The following TTC36 variants were observed in gnomAD, a reference collection of about 807,000 sequenced individuals.
TTC36 encodes tetratricopeptide repeat protein 36.
In TTC36, 15 loss-of-function variants were observed where a neutral mutation model predicts 17.5. The ratio of observed to expected loss-of-function variants is 0.86; its 90% CI spans 0.57 to 1.32. The LOEUF is 1.32. Ranked by LOEUF, TTC36 falls within the 40% of genes most tolerant of loss-of-function variation. The probability of loss-of-function intolerance (pLI) is 0.00; values close to 1 mark genes in which losing one functional copy is unlikely to be tolerated. For missense variants in TTC36, 292 were observed against 260.9 expected, an observed-to-expected ratio of 1.12 and a Z score of -0.82; for synonymous variants, 112 against 109.8, an observed-to-expected ratio of 1.02 and a Z score of -0.13.
chr11:118,530,504 C>A lies in TTC36; in HGVS notation c.308-150C>A. 2 of 853,690 alleles carry A rather than the reference C, an allele frequency of 2.3e-6. No homozygotes were observed. The highest frequency in any genetic ancestry group is 3.3e-6 in the Non-Finnish European group (2 of 614,270). The allele number at this position is 853,690 out of a possible 1,614,324, so 52.9% of individuals were successfully genotyped here. ...GTGTAATGGGAATAACGATCCGTACCTCTAGCAGGTGCGAGGCGGGTTGTA... is the reference window on the plus strand; with the variant it reads ...GTGTAATGGGAATAACGATCCGTACATCTAGCAGGTGCGAGGCGGGTTGTA... On this transcript the variant is annotated intron_variant, in intron 2 of 2. Coordinates refer to ENST00000302783, the MANE Select transcript of TTC36 (RefSeq NM_001080441.4). The surrounding 1 kb of genome is among the most constrained non-coding windows in gnomAD (Gnocchi z 5.8).
In TTC36 at chr11:118,530,345, G is replaced by C. The variant is rs562709849; in HGVS notation, c.308-309G>C. Among the ~76,000 whole-genome samples, 18 of 152,354 alleles carry C rather than the reference G, an allele frequency of 1.2e-4. No homozygotes were observed. Among genetic ancestry groups the C allele is most frequent in the African/African-American group, 4.3e-4 (18 of 41,578 alleles). ...GACTCATAAACATAGTGGCCATTCAGAATCCTGCAACGTTCATGTTTTCGT... is the reference window on the plus strand; with the variant it reads ...GACTCATAAACATAGTGGCCATTCACAATCCTGCAACGTTCATGTTTTCGT... On this transcript the variant is annotated intron_variant, in intron 2 of 2. Coordinates refer to ENST00000302783, the MANE Select transcript of TTC36 (RefSeq NM_001080441.4). The surrounding 1 kb of genome is among the most constrained non-coding windows in gnomAD (Gnocchi z 5.8).
At position 118,527,937 on chromosome 11, in the gene TTC36, G is replaced by A. The variant is rs562173449; in HGVS notation, c.118+325G>A. ...GTCATAACAGAGAATACCACCACCA[G>A]AACAGAAGACTGAAATAAGGCAGGG... On this transcript the variant is annotated intron_variant, in intron 1 of 2. Coordinates refer to ENST00000302783, the MANE Select transcript of TTC36 (RefSeq NM_001080441.4). 5.9e-5 allele frequency: 28 copies of A among 477,554 alleles called. 1 individual carries two copies. The highest frequency in any genetic ancestry group is 4.3e-4 in the South Asian group (28 of 64,770). 29.6% of individuals were successfully genotyped at this position (477,554 alleles called of 1,614,324 possible). A position where few individuals can be genotyped will look rare whatever the true frequency, so the allele number is the denominator to read the frequency against.
chr11:118,528,043 C>A, intron 1 of TTC36: 1 of 455,302 alleles, frequency 2.2e-6, no homozygotes, highest in Admixed American at 2.4e-5. Flanking sequence ...AAGCTCCAAA[C>A]TAACTCTTCC....
At position 118,528,718 on chromosome 11, in the gene TTC36, C is replaced by G. The variant is rs7111428; in HGVS notation, c.234C>G (p.Ile78Met). 2.5e-6 allele frequency: 4 copies of G among 1,613,348 alleles called. No individual in the cohort carries two copies. In the African/African-American group the frequency reaches 4.0e-5, roughly 16 times the overall value. The change falls in exon 2 of 3, where the codon ATC (isoleucine) becomes ATG (methionine). Residue 78 changes from isoleucine (I) to methionine (M), a missense_variant. Physicochemically the swap from Ile to Met is conservative, Grantham distance 10. Coordinates refer to ENST00000302783, the MANE Select transcript of TTC36 (RefSeq NM_001080441.4). ...CCCTGGAGAGGTTTGGCCAAGCCAT[C>G]TGCCTGCTGCCTGAGAGGGCTTCAG... ...STALERFGQAICLLPERASAY... is the reference protein window; with the variant it reads ...STALERFGQAMCLLPERASAY...
In TTC36 at chr11:118,530,933, C is replaced by A; in HGVS notation, c.*17C>A. On this transcript the variant is annotated 3_prime_UTR_variant, in exon 3 of 3. Coordinates refer to ENST00000302783, the MANE Select transcript of TTC36 (RefSeq NM_001080441.4). The surrounding 1 kb of genome is among the most constrained non-coding windows in gnomAD (Gnocchi z 5.8). The stretch of plus-strand genomic sequence containing the variant: ...AGCCGCTGAGCGCCGCGGACCCGGG[C>A]GTCCGCGGGCGAGGGGACGGGACTG... 6.7e-7 allele frequency: 1 copy of A among 1,481,570 alleles called. No individual in the cohort carries two copies. Among genetic ancestry groups the A allele is most frequent in the Non-Finnish European group, 8.9e-7 (1 of 1,125,748 alleles). The allele number at this position is 1,481,570 out of a possible 1,614,324, so 91.8% of individuals were successfully genotyped here. A position where few individuals can be genotyped will look rare whatever the true frequency, so the allele number is the denominator to read the frequency against.
chr11:118,530,687 T>A lies in TTC36; in HGVS notation c.341T>A (p.Leu114Gln). Residue 114 changes from leucine (L) to glutamine (Q), a missense_variant, in exon 3 of 3, where the codon CTG becomes CAG. Physicochemically the swap from Leu to Gln is moderately radical, Grantham distance 113. Transcript: ENST00000302783. This position sits in a 1 kb window ranked among gnomAD's most constrained non-coding sequence, Gnocchi z 5.8. The part of the protein sequence containing the change: ...ALEDLERAVE[L>Q]SGGRGRAARQ... ...GAGGATCTGGAACGCGCGGTGGAGCTGAGCGGCGGCCGGGGCCGCGCCGCC... is the reference window on the plus strand; with the variant it reads ...GAGGATCTGGAACGCGCGGTGGAGCAGAGCGGCGGCCGGGGCCGCGCCGCC... 1.4e-6 allele frequency: 2 copies of A among 1,475,614 alleles called. No homozygotes were observed. Among genetic ancestry groups the A allele is most frequent in the East Asian group, 5.9e-5 (2 of 33,996 alleles). 91.4% of individuals were successfully genotyped at this position (1,475,614 alleles called of 1,614,324 possible). A position where few individuals can be genotyped will look rare whatever the true frequency, so the allele number is the denominator to read the frequency against.
rs113835012 is a variant in TTC36, at chr11:118,529,818, G to A, written c.308-836G>A. Among the ~76,000 whole-genome samples the A allele has an allele frequency of 7.6e-3, 1,154 of 152,332 alleles. 10 individuals carry two copies. The highest frequency in any genetic ancestry group is 0.026 in the African/African-American group (1,093 of 41,574). The stretch of plus-strand genomic sequence containing the variant: ...GACCAGCTCCTCCGAGGGAAACCAA[G>A]GAGTACTGCATTCTGAGCGCTTCTC... On this transcript the variant is annotated intron_variant, in intron 2 of 2. Transcript: ENST00000302783.
In TTC36 at chr11:118,528,598, C is replaced by G; in HGVS notation, c.119-5C>G. 1 of 1,555,828 alleles carries G rather than the reference C, an allele frequency of 6.4e-7. No homozygotes were observed. Among genetic ancestry groups the G allele is most frequent in the South Asian group, 1.2e-5 (1 of 81,906 alleles). On this transcript the variant is annotated splice_polypyrimidine_tract_variant and splice_region_variant and intron_variant, in intron 1 of 2. Transcript: ENST00000302783. ...TGGCTTCTCCTGGCTCCTTCCCTGG[C>G]CCAGATGAAGTTTTCCCTCAAGCAC...
Position 118,527,560 on chromosome 11 carries a change from CAT to C in TTC36, c.67_68del (p.Ile23CysfsTer18). On this transcript the variant is annotated frameshift_variant, in exon 1 of 3. Transcript: ENST00000302783. LOFTEE classifies it high-confidence loss of function. ...IFNPDTPFGD[I>X]VGLDLGEEAE... is the part of the protein sequence containing the mutation. ...TCAACCCTGACACCCCATTTGGAGA[CAT>C]TGTTGGATTGGACCTCGGAGAGGAA... The C allele has an allele frequency of 6.2e-7, 1 of 1,614,156 alleles. No individual in the cohort carries two copies. The highest frequency in any genetic ancestry group is 1.3e-5 in the African/African-American group (1 of 75,050).
Position 118,530,408 on chromosome 11 carries a change from C to T in TTC36, c.308-246C>T. ...GAAAATAATAGGAACAAGGCGAGAC[C>T]TGGACTTCAGTCCCAGCTCTGCCAC... On this transcript the variant is annotated intron_variant, in intron 2 of 2. Coordinates refer to ENST00000302783, the MANE Select transcript of TTC36 (RefSeq NM_001080441.4). This position sits in a 1 kb window ranked among gnomAD's most constrained non-coding sequence, Gnocchi z 5.8. 2.3e-6 allele frequency: 1 copy of T among 438,556 alleles called. No homozygotes were observed. Among genetic ancestry groups the T allele is most frequent in the Non-Finnish European group, 3.9e-6 (1 of 253,734 alleles). 27.2% of individuals were successfully genotyped at this position (438,556 alleles called of 1,614,324 possible). A position where few individuals can be genotyped will look rare whatever the true frequency, so the allele number is the denominator to read the frequency against.
rs1951196544 is a variant in TTC36, at chr11:118,530,590, G to A, written c.308-64G>A. 2.9e-6 allele frequency: 4 copies of A among 1,357,506 alleles called. No homozygotes were observed. The South Asian group carries it at 7.2e-5, about 25-fold the overall frequency. 84.1% of individuals were successfully genotyped at this position (1,357,506 alleles called of 1,614,324 possible). On this transcript the variant is annotated intron_variant, in intron 2 of 2. Transcript: ENST00000302783. The surrounding 1 kb of genome is among the most constrained non-coding windows in gnomAD (Gnocchi z 5.8). ...ATCCGCGCGGCCGCAGGTGGGCTGGGGCTCGGGCAAGGCCGCCCTGGCCTC... is the reference window on the plus strand; with the variant it reads ...ATCCGCGCGGCCGCAGGTGGGCTGGAGCTCGGGCAAGGCCGCCCTGGCCTC...
chr11:118,529,574 C>A (rs1951161679), intron 2 of TTC36, among the ~76,000 whole-genome samples: 1 of 152,130 alleles, frequency 6.6e-6, no homozygotes, highest in Non-Finnish European at 1.5e-5. Flanking sequence ...AGGTATAAAC[C>A]ACGGAAACCT....
At chr11:118,528,516 G>A (rs1241585690) in intron 1 of TTC36, 87 bp from the exon 2 acceptor site, 5 of 1,402,218 alleles carry the variant, frequency 3.6e-6, no homozygotes, top group Non-Finnish European at 3.8e-6. Context: ...CTCTGGCTCA[G>A]ATCTCAGAAT....
Position 118,530,942 on chromosome 11 carries a change from G to A in TTC36, c.*26G>A. ...GCGCCGCGGACCCGGGCGTCCGCGG[G>A]CGAGGGGACGGGACTGGGCCCTGAA... On this transcript the variant is annotated 3_prime_UTR_variant, in exon 3 of 3. Transcript: ENST00000302783. The surrounding 1 kb of genome is among the most constrained non-coding windows in gnomAD (Gnocchi z 5.8). 6.8e-7 allele frequency: 1 copy of A among 1,479,602 alleles called. No individual in the cohort carries two copies. The highest frequency in any genetic ancestry group is 2.8e-5 in the East Asian group (1 of 36,022). The allele number at this position is 1,479,602 out of a possible 1,614,324, so 91.7% of individuals were successfully genotyped here.
Position 118,530,065 on chromosome 11 carries a change from C to A in TTC36, c.308-589C>A, listed in dbSNP as rs1951178292. 6.6e-6 allele frequency among the ~76,000 whole-genome samples: 1 copy of A among 152,030 alleles called. No individual in the cohort carries two copies. The highest frequency in any genetic ancestry group is 1.5e-5 in the Non-Finnish European group (1 of 68,008). On this transcript the variant is annotated intron_variant, in intron 2 of 2. Transcript: ENST00000302783. This position sits in a 1 kb window ranked among gnomAD's most constrained non-coding sequence, Gnocchi z 5.8. ...AGGAAATTAGATACATGGAGATAAC[C>A]AAAGAATGATGAAAGGCAATCAGTC...
chr11:118,528,331 CTTCT>C (rs1315297520), intron 1 of TTC36, among the ~76,000 whole-genome samples: 12 of 152,280 alleles, frequency 7.9e-5, no homozygotes, highest in Non-Finnish European at 1.5e-4. Flanking sequence ...ACTTGAGCAA[CTTCT>C]TTAACAGATT....
chr11:118,530,807 G>A lies in TTC36; in HGVS notation c.461G>A (p.Ser154Asn). Residue 154 changes from serine to asparagine, a missense_variant, in exon 3 of 3, where the codon AGC becomes AAC. Physicochemically the swap from Ser to Asn is conservative, Grantham distance 46. Transcript: ENST00000302783. The surrounding 1 kb of genome is among the most constrained non-coding windows in gnomAD (Gnocchi z 5.8). ...RDFERAARLG[S>N]PFARRQLVLL... ...TTCGAGAGGGCGGCACGGCTGGGCA[G>A]CCCCTTCGCGCGGCGCCAGCTGGTG... 1.3e-6 allele frequency: 2 copies of A among 1,503,694 alleles called. No homozygotes were observed. Among genetic ancestry groups the A allele is most frequent in the Non-Finnish European group, 8.8e-7 (1 of 1,134,716 alleles). 93.1% of individuals were successfully genotyped at this position (1,503,694 alleles called of 1,614,324 possible).
At chr11:118,528,576 C>A (rs782644614) in intron 1 of TTC36, 27 bp from the exon 2 acceptor site, 1 of 1,527,984 alleles carries the variant, frequency 6.5e-7, no homozygotes. Context: ...GCACACCTGG[C>A]TTCTCCTGGC....
chr11:118,527,604 G>A lies in TTC36; in HGVS notation c.110G>A (p.Arg37Gln), dbSNP rs1555056076. ...GGAGAGGAAGCAGAAAAGGAAGAACGAGAAGAAGGTGGGCATTTGATCTGG... is the reference window on the plus strand; with the variant it reads ...GGAGAGGAAGCAGAAAAGGAAGAACAAGAAGAAGGTGGGCATTTGATCTGG... ...DLGEEAEKEE[R>Q]EEDEVFPQAQ... The change falls in exon 1 of 3, where the codon CGA becomes CAA. Residue 37 changes from arginine to glutamine, a missense_variant. By Grantham distance (43) the Arg-to-Gln change is conservative (BLOSUM62 1). Coordinates refer to ENST00000302783, the MANE Select transcript of TTC36 (RefSeq NM_001080441.4). 1.2e-5 allele frequency: 20 copies of A among 1,613,378 alleles called. No individual in the cohort carries two copies. The highest frequency in any genetic ancestry group is 3.3e-5 in the South Asian group (3 of 91,060).
Sources: gnomAD v4.1 joint callset for allele counts (sites outside exome capture counted in the v4.1 genomes callset) on GRCh38, gnomAD v4.1.1 for gene constraint, Gnocchi (gnomAD v3.1) non-coding constraint, MANE v1.5 for transcripts, NCBI Gene and HGNC (gene_info 2026-07-23, HGNC 2026-07-21) for gene names.